The following KCNH8 variants were observed in gnomAD, a reference collection of about 807,000 sequenced individuals.
KCNH8 encodes voltage-gated delayed rectifier potassium channel KCNH8.
A neutral mutation model predicts 103.6 loss-of-function variants in KCNH8; 70 were observed. The observed-to-expected ratio is 0.68, with a 90% CI of 0.56 to 0.82. The LOEUF is 0.82. KCNH8 is among the 40% of genes least tolerant of loss of function. The probability of loss-of-function intolerance (pLI) is 0.00; values close to 1 mark genes in which losing one functional copy is unlikely to be tolerated. For synonymous variants in KCNH8, 498 were observed against 489.4 expected, an observed-to-expected ratio of 1.02 and a Z score of -0.23; for missense variants, 1,217 against 1,329.9, an observed-to-expected ratio of 0.92 and a Z score of 1.32.
chr3:19,336,308 A>G (rs2065584260), intron 3 of KCNH8, among the ~76,000 whole-genome samples: 1 of 151,738 alleles, frequency 6.6e-6, no homozygotes, highest in Non-Finnish European at 1.5e-5. Context: ...AATTTCTCTT[A>G]ATATAAAAAA....
intron 5 of KCNH8, 96 bp downstream of exon 5, chr3:19,348,061 G>A (rs1398975784): frequency 6.9e-7 from 1 of 1,446,114 alleles, no homozygotes; most frequent in African/African-American, 1.4e-5. Flanking sequence ...AGATCCATTT[G>A]CATGGGCTTG....
intron 11 of KCNH8, among the ~76,000 whole-genome samples, chr3:19,461,826 C>G (rs2067635914): frequency 1.3e-5 from 2 of 152,134 alleles, no homozygotes; most frequent in South Asian, 4.1e-4. Context: ...TCCCAACCAC[C>G]CCACAACAGG....
intron 7 of KCNH8, among the ~76,000 whole-genome samples, chr3:19,412,789 C>T (rs2066801453): frequency 6.6e-6 from 1 of 151,948 alleles, no homozygotes; most frequent in Non-Finnish European, 1.5e-5. Flanking sequence ...CTCAATATCA[C>T]TAATCATAAG....
At chr3:19,181,031 CAT>C (rs1315494553) in intron 1 of KCNH8, among the ~76,000 whole-genome samples, 14 of 152,120 alleles carry the variant, frequency 9.2e-5, no homozygotes, top group African/African-American at 3.1e-4. Flanking sequence ...TCATAACAAA[CAT>C]AAACTGTTTT....
intron 1 of KCNH8, among the ~76,000 whole-genome samples, chr3:19,221,760 C>T (rs2063877094): frequency 6.6e-6 from 1 of 151,888 alleles, no homozygotes. Flanking sequence ...TCACTGCTCT[C>T]AACAACTTCT....
At chr3:19,257,288 C>T (rs1239877151) in intron 2 of KCNH8, among the ~76,000 whole-genome samples, 1 of 151,954 alleles carries the variant, frequency 6.6e-6, no homozygotes, top group Non-Finnish European at 1.5e-5. Flanking sequence ...GCTCTCCTGA[C>T]CTTACAGAAA....
At chr3:19,344,903 T>C (rs758930711) in intron 4 of KCNH8, among the ~76,000 whole-genome samples, 2 of 152,108 alleles carry the variant, frequency 1.3e-5, no homozygotes, top group Non-Finnish European at 2.9e-5. Flanking sequence ...ACACAACTTA[T>C]TAGAAGCAGC....
In KCNH8 at chr3:19,499,054, A is replaced by C. The variant is rs1012424999; in HGVS notation, c.2041-11309A>C. On this transcript the variant is annotated intron_variant, in intron 11 of 15. Transcript: ENST00000328405. ...TTGAGAACTTTGAAAAAAATTTAGA[A>C]GAATGTATAACTAGAATAACCAATA... Among the ~76,000 whole-genome samples the C allele has an allele frequency of 1.1e-4, 16 of 152,276 alleles. No individual in the cohort carries two copies. In the East Asian group the frequency reaches 1.7e-3, roughly 17 times the overall value.
chr3:19,198,425 G>C (rs1159429175), intron 1 of KCNH8, among the ~76,000 whole-genome samples: 1 of 152,070 alleles, frequency 6.6e-6, no homozygotes, highest in Non-Finnish European at 1.5e-5. Flanking sequence ...AGTGGGTTCA[G>C]GTTTGGCTGT....
intron 2 of KCNH8, among the ~76,000 whole-genome samples, chr3:19,262,239 A>G (rs759168360): frequency 2.6e-5 from 4 of 152,000 alleles, no homozygotes; most frequent in Non-Finnish European, 5.9e-5. Context: ...ATCCATGAGC[A>G]TGGACTATCT....
At chr3:19,153,631 T>C (rs1559399287) in intron 1 of KCNH8, among the ~76,000 whole-genome samples, 1 of 150,276 alleles carries the variant, frequency 6.7e-6, no homozygotes, top group East Asian at 2.0e-4. Flanking sequence ...TTTCTTTCTT[T>C]TTTCTTTTTT....
At chr3:19,374,893 G>A (rs1480033256) in intron 5 of KCNH8, among the ~76,000 whole-genome samples, 2 of 152,042 alleles carry the variant, frequency 1.3e-5, no homozygotes, top group East Asian at 1.9e-4. Context: ...ATGAAATTCT[G>A]GGTTGAAAAT....
chr3:19,237,145 A>G (rs62279461), intron 1 of KCNH8, among the ~76,000 whole-genome samples: 2,367 of 152,318 alleles, frequency 0.016, 25 homozygotes, highest in Non-Finnish European at 0.028. Flanking sequence ...CCCTAGGAAG[A>G]ACCACTTGAT....
At position 19,337,527 on chromosome 3, in the gene KCNH8, G is replaced by A. The variant is rs2065600218; in HGVS notation, c.443-5060G>A. 4.6e-5 allele frequency among the ~76,000 whole-genome samples: 7 copies of A among 151,854 alleles called. No individual in the cohort carries two copies. The South Asian group carries it at 1.5e-3, about 32-fold the overall frequency. On this transcript the variant is annotated intron_variant, in intron 3 of 15. Coordinates refer to ENST00000328405, the MANE Select transcript of KCNH8 (RefSeq NM_144633.3). Reference sequence around the variant, plus strand: ...CTCATTTACCTTCATTGACCTGATGGCAATTGAAATCTTCACCTTTTTCAT... The same window carrying A: ...CTCATTTACCTTCATTGACCTGATGACAATTGAAATCTTCACCTTTTTCAT...
intron 7 of KCNH8, among the ~76,000 whole-genome samples, chr3:19,414,212 C>T (rs546837925): frequency 6.6e-6 from 1 of 152,058 alleles, no homozygotes; most frequent in East Asian, 1.9e-4. Flanking sequence ...GTAAAAGAAA[C>T]ATTAAAGTTT....
chr3:19,533,112 G>A (rs886099673), intron 15 of KCNH8, among the ~76,000 whole-genome samples: 6 of 151,476 alleles, frequency 4.0e-5, no homozygotes, highest in African/African-American at 1.5e-4. Context: ...GCTGAGGCAG[G>A]AGCATGGCGT....
intron 15 of KCNH8, among the ~76,000 whole-genome samples, chr3:19,526,969 A>G (rs954620723): frequency 1.3e-5 from 2 of 151,982 alleles, no homozygotes; most frequent in African/African-American, 4.8e-5. Context: ...AAATACATGT[A>G]GTAGCTGCCC....
intron 1 of KCNH8, among the ~76,000 whole-genome samples, chr3:19,161,433 C>T (rs1188093436): frequency 6.6e-6 from 1 of 152,096 alleles, no homozygotes; most frequent in Non-Finnish European, 1.5e-5. Context: ...CATTTTGATT[C>T]CAAGTTTTCT....
chr3:19,269,405 T>G (rs1355471860), intron 2 of KCNH8, among the ~76,000 whole-genome samples: 1 of 152,058 alleles, frequency 6.6e-6, no homozygotes, highest in African/African-American at 2.4e-5. Flanking sequence ...GTAAAAGAAA[T>G]CTTGTTAAAA....
Sources: gnomAD v4.1 joint callset for allele counts (sites outside exome capture counted in the v4.1 genomes callset) on GRCh38, gnomAD v4.1.1 for gene constraint, MANE v1.5 for transcripts, NCBI Gene and HGNC (gene_info 2026-07-23, HGNC 2026-07-21) for gene names.